CSMD1: variants seen among roughly 807,000 people sequenced by gnomAD.
The protein encoded by CSMD1 is CUB and Sushi multiple domains 1.
A neutral mutation model predicts 417.5 loss-of-function variants in CSMD1; 213 were observed. The observed-to-expected ratio is 0.51, with a 90% CI of 0.46 to 0.57. The LOEUF is 0.57. Ranked by LOEUF, CSMD1 falls within the 20% of genes least tolerant of loss-of-function variation. CSMD1 has a pLI of 0.00. For missense variants in CSMD1, 6,923 were observed against 4,529.7 expected (o/e 1.53, Z -15.17); for synonymous variants, 2,862 against 1,736.8 (o/e 1.65, Z -16.11).
chr8:3,244,009 G>A (rs567258462), intron 26 of CSMD1, among the ~76,000 whole-genome samples: 13 of 152,114 alleles, frequency 8.5e-5, no homozygotes, highest in African/African-American at 2.2e-4. Context: ...ACATCCCTGC[G>A]TACCTCGATA....
chr8:4,570,443 A>C (rs1238122699), intron 2 of CSMD1, among the ~76,000 whole-genome samples: 1 of 152,064 alleles, frequency 6.6e-6, no homozygotes, highest in Admixed American at 6.6e-5. Context: ...ACGCCTATTG[A>C]TTTGTGTATT....
chr8:3,454,412 G>T (rs1815966465), intron 12 of CSMD1, among the ~76,000 whole-genome samples: 1 of 152,156 alleles, frequency 6.6e-6, no homozygotes, highest in African/African-American at 2.4e-5. Context: ...TAGCATCAAT[G>T]GTCTTCACAA....
chr8:4,361,687 G>A (rs1362454821), intron 3 of CSMD1, among the ~76,000 whole-genome samples: 1 of 151,954 alleles, frequency 6.6e-6, no homozygotes, highest in Admixed American at 6.6e-5. Flanking sequence ...GCGACGGCTT[G>A]GCTCACGCCT....
chr8:3,443,197 A>G (rs527539780), intron 12 of CSMD1, among the ~76,000 whole-genome samples: 1 of 152,222 alleles, frequency 6.6e-6, no homozygotes, highest in Admixed American at 6.5e-5. Context: ...GGATACACGC[A>G]CAAGGCTATT....
intron 3 of CSMD1, among the ~76,000 whole-genome samples, chr8:4,055,349 C>G (rs998581649): frequency 3.3e-5 from 5 of 152,040 alleles, no homozygotes; most frequent in African/African-American, 1.2e-4. Context: ...CAAAAATATC[C>G]TTTTTATAAT....
At chr8:3,550,612 A>T (rs906789768) in intron 10 of CSMD1, among the ~76,000 whole-genome samples, 1 of 152,138 alleles carries the variant, frequency 6.6e-6, no homozygotes, top group Non-Finnish European at 1.5e-5. Context: ...TGACCTCATC[A>T]GTCTCCACCC....
intron 20 of CSMD1, among the ~76,000 whole-genome samples, chr8:3,362,858 C>G (rs545233842): frequency 6.6e-6 from 1 of 152,288 alleles, no homozygotes; most frequent in South Asian, 2.1e-4. Flanking sequence ...CAGCTTCCAT[C>G]TTGCATCTCT....
At chr8:4,260,949 T>C (rs1413099602) in intron 3 of CSMD1, among the ~76,000 whole-genome samples, 3 of 152,202 alleles carry the variant, frequency 2.0e-5, no homozygotes, top group African/African-American at 7.2e-5. Flanking sequence ...ATTTTTCTAC[T>C]CTACCTTTAC....
chr8:3,187,695 T>C (rs1796144751), intron 36 of CSMD1, among the ~76,000 whole-genome samples, 174 bp downstream of exon 36: 1 of 152,162 alleles, frequency 6.6e-6, no homozygotes, highest in Non-Finnish European at 1.5e-5. Context: ...TTGTTTTTAC[T>C]CACCTGTTTC....
chr8:3,549,149 G>C (rs1252488758), intron 10 of CSMD1, among the ~76,000 whole-genome samples: 1 of 152,132 alleles, frequency 6.6e-6, no homozygotes, highest in South Asian at 2.1e-4. Flanking sequence ...TTCTAGATTG[G>C]GTGTCTGCAA....
At chr8:3,198,513 G>T (rs1382983580) in intron 33 of CSMD1, among the ~76,000 whole-genome samples, 2 of 152,178 alleles carry the variant, frequency 1.3e-5, no homozygotes, top group African/African-American at 4.8e-5. Context: ...TTATAACAAT[G>T]TAACACCTTT....
At chr8:3,119,423 T>A (rs1817066093) in intron 41 of CSMD1, among the ~76,000 whole-genome samples, 4 of 130,052 alleles carry the variant, frequency 3.1e-5, no homozygotes, top group African/African-American at 5.4e-5. Flanking sequence ...CACTGTATAA[T>A]CCCTAAGCTG....
chr8:3,320,486 G>C (rs751261051), intron 23 of CSMD1, among the ~76,000 whole-genome samples: 3 of 152,128 alleles, frequency 2.0e-5, no homozygotes, highest in Non-Finnish European at 2.9e-5. Context: ...AACAATACCT[G>C]AATTTGTTGC....
chr8:3,671,136 G>GAT (rs1410464042), intron 7 of CSMD1, among the ~76,000 whole-genome samples: 4 of 146,268 alleles, frequency 2.7e-5, no homozygotes, highest in African/African-American at 1.0e-4. Context: ...ATATGTATGG[G>GAT]ATATATGTAT....
chr8:3,147,944 T>C (rs1467866751), intron 40 of CSMD1, among the ~76,000 whole-genome samples: 1 of 152,190 alleles, frequency 6.6e-6, no homozygotes, highest in Non-Finnish European at 1.5e-5. Context: ...AGACAAATCT[T>C]CTGGCTATTC....
rs76953967 is a variant in CSMD1, at chr8:4,536,634, T to G, written c.302+100708A>C. 2.1e-3 allele frequency among the ~76,000 whole-genome samples: 315 copies of G among 152,304 alleles called. 2 individuals are homozygous for G. The highest frequency in any genetic ancestry group is 6.9e-3 in the African/African-American group (285 of 41,570). ...AGTGGATACTGAGAATAGGTACAGG[T>G]TATTTATTTATTCCTTTATTTGTAC... On this transcript the variant is annotated intron_variant, in intron 2 of 69. Transcript: ENST00000635120.
chr8:3,308,340 C>A lies in CSMD1; in HGVS notation c.3795G>T (p.Val1265=), dbSNP rs765781510. 1 of 1,612,928 alleles carries A rather than the reference C, an allele frequency of 6.2e-7. No homozygotes were observed. Among genetic ancestry groups the A allele is most frequent in the Non-Finnish European group, 8.5e-7 (1 of 1,179,206 alleles). ...TGCACGAAGGTAGTGGTTTGTCCCA[C>A]ACTCTCCTGTCTCCACTCAAACAGG... ...TLTCLSGDRR[V]WDKPLPSCIA... is the part of the protein sequence containing the mutation. The change falls in exon 24 of 70, where the codon GTG becomes GTT. Residue 1265 remains valine (V), a synonymous_variant. Coordinates refer to ENST00000635120, the MANE Select transcript of CSMD1 (RefSeq NM_033225.6).
chr8:4,167,403 A>C (rs1409844076), intron 3 of CSMD1, among the ~76,000 whole-genome samples: 1 of 152,184 alleles, frequency 6.6e-6, no homozygotes, highest in African/African-American at 2.4e-5. Flanking sequence ...TCATAGGCTA[A>C]AGTGTTCATG....
At chr8:4,788,360 T>G in intron 1 of CSMD1, 2 of 1,482,984 alleles carry the variant, frequency 1.3e-6, no homozygotes, top group Non-Finnish European at 1.9e-6. Flanking sequence ...TTATCACCTG[T>G]CCTCCCCTCA....
Sources: allele counts gnomAD v4.1 joint callset (sites outside exome capture counted in the v4.1 genomes callset), GRCh38; gene constraint gnomAD v4.1.1; transcripts MANE v1.5; gene names NCBI Gene and HGNC (gene_info 2026-07-23, HGNC 2026-07-21).